DZIP1L: variants seen among roughly 807,000 people sequenced by gnomAD.
DZIP1L encodes DAZ interacting zinc finger protein 1 like, also known as cilium assembly protein DZIP1L.
A neutral mutation model predicts 88.7 loss-of-function variants in DZIP1L; 90 were observed. The ratio of observed to expected loss-of-function variants is 1.02; its 90% CI spans 0.86 to 1.21. The LOEUF is 1.21. Among genes scored for constraint, DZIP1L ranks in the 50% most tolerant of loss-of-function variants. DZIP1L has a pLI of 0.00. For synonymous variants in DZIP1L, 363 were observed against 372.1 expected (o/e 0.98, Z 0.28); for missense variants, 932 against 955.8 (o/e 0.98, Z 0.33).
chr3:138,080,478 A>G, intron 10 of DZIP1L, 89 bp downstream of exon 10: 1 of 1,435,462 alleles, frequency 7.0e-7, no homozygotes, highest in Non-Finnish European at 9.7e-7. Flanking sequence ...GGATGTCCAG[A>G]TACAGTTAAG....
intron 10 of DZIP1L, among the ~76,000 whole-genome samples, chr3:138,079,701 C>A (rs1001796570): frequency 6.6e-6 from 1 of 152,156 alleles, no homozygotes; most frequent in African/African-American, 2.4e-5. Context: ...CACTGCATAC[C>A]CTTTTATACC....
intron 1 of DZIP1L, among the ~76,000 whole-genome samples, chr3:138,105,650 C>T (rs1213842219): frequency 6.6e-6 from 1 of 151,788 alleles, no homozygotes; most frequent in Non-Finnish European, 1.5e-5. Context: ...AAGAAACTAT[C>T]CTTTTTTTTT....
At position 138,064,255 on chromosome 3, in the gene DZIP1L, C is replaced by T. The variant is rs1292471119; in HGVS notation, c.2142+373G>A. 9 of 824,014 alleles carry T rather than the reference C, an allele frequency of 1.1e-5. No individual in the cohort carries two copies. The African/African-American group carries it at 1.3e-4, about 12-fold the overall frequency. 51.0% of individuals were successfully genotyped at this position (824,014 alleles called of 1,614,324 possible). A position where few individuals can be genotyped will look rare whatever the true frequency, so the allele number is the denominator to read the frequency against. On this transcript the variant is annotated intron_variant, in intron 15 of 15. Transcript: ENST00000327532. ...CTCCACACACATATTGTGTTAGGGT[C>T]CATGGCAGAGTGAGGGACTGGGGAG...
At chr3:138,071,261 TG>T (rs1164492805) in intron 12 of DZIP1L, among the ~76,000 whole-genome samples, 1 of 152,166 alleles carries the variant, frequency 6.6e-6, no homozygotes, top group African/African-American at 2.4e-5. Context: ...ATGCCTGGTG[TG>T]TAGAGCCAGA....
chr3:138,068,720 C>T (rs1049480432), intron 12 of DZIP1L, among the ~76,000 whole-genome samples: 3 of 152,146 alleles, frequency 2.0e-5, no homozygotes, highest in African/African-American at 7.2e-5. Flanking sequence ...ACGCTACAGC[C>T]GCTGCACTGC....
At chr3:138,105,651 C>CT (rs1553737301) in intron 1 of DZIP1L, among the ~76,000 whole-genome samples, 5 of 150,168 alleles carry the variant, frequency 3.3e-5, no homozygotes, top group African/African-American at 7.3e-5. Context: ...AGAAACTATC[C>CT]TTTTTTTTTC....
At chr3:138,102,924 A>C (rs2042364359) in intron 2 of DZIP1L, 1 of 563,516 alleles carries the variant, frequency 1.8e-6, no homozygotes, top group South Asian at 1.9e-5. Context: ...ACATGGTGGA[A>C]GCAGGAGTGG....
chr3:138,064,473 T>C, intron 15 of DZIP1L, 155 bp downstream of exon 15: 2 of 1,606,080 alleles, frequency 1.2e-6, no homozygotes, highest in South Asian at 1.1e-5. Context: ...CATCTCTCCA[T>C]GTGCACAGGG....
At chr3:138,097,891 T>C in intron 2 of DZIP1L, 44 bp from the exon 3 acceptor site, 1 of 1,543,408 alleles carries the variant, frequency 6.5e-7, no homozygotes, top group Non-Finnish European at 8.9e-7. Context: ...TTAGGTCACC[T>C]GAGTCAGCCT....
chr3:138,112,570 G>A (rs2042635506), intron 1 of DZIP1L: 1 of 152,192 alleles, frequency 6.6e-6, no homozygotes, highest in Non-Finnish European at 1.5e-5. Flanking sequence ...TACACCCCAG[G>A]GGCAAGGACA....
intron 9 of DZIP1L, 72 bp from the exon 10 acceptor site, chr3:138,080,692 AC>A: frequency 6.6e-7 from 1 of 1,526,466 alleles, no homozygotes; most frequent in Non-Finnish European, 9.0e-7. Flanking sequence ...AAAGTACAGA[AC>A]CCCAGCTGAG....
Position 138,084,199 on chromosome 3 carries a change from C to A in DZIP1L, c.1117G>T (p.Ala373Ser), listed in dbSNP as rs1463287313. 2 of 1,614,084 alleles carry A rather than the reference C, an allele frequency of 1.2e-6. No individual in the cohort carries two copies. The highest frequency in any genetic ancestry group is 2.7e-5 in the African/African-American group (2 of 74,948). The stretch of plus-strand genomic sequence containing the variant: ...ATCTGGCACTGGGACTGGGCAGCTG[C>A]CTTCTTCTGATCCTGAGACAGGGAG... ...QASLSQDQKK[A>S]AAQSQCQIST... Residue 373 changes from alanine to serine, a missense_variant, in exon 8 of 16, where the codon GCA becomes TCA. Physicochemically the swap from Ala to Ser is moderately conservative, Grantham distance 99. Transcript: ENST00000327532.
chr3:138,097,619 G>A (rs1288658100), intron 3 of DZIP1L, 144 bp downstream of exon 3: 3 of 732,606 alleles, frequency 4.1e-6, no homozygotes, highest in East Asian at 5.5e-5. Flanking sequence ...CCCCGGTGGT[G>A]GATGGTGGGA....
chr3:138,098,457 TC>T (rs35329495), intron 2 of DZIP1L, among the ~76,000 whole-genome samples: 3 of 152,228 alleles, frequency 2.0e-5, no homozygotes, highest in African/African-American at 4.8e-5. Context: ...TAATTCCACA[TC>T]CCTCTCCTAA....
chr3:138,099,475 T>A (rs1944625720), intron 2 of DZIP1L, among the ~76,000 whole-genome samples: 1 of 152,190 alleles, frequency 6.6e-6, no homozygotes, highest in Non-Finnish European at 1.5e-5. Context: ...TGTAATAATA[T>A]TTGGTCTTAG....
chr3:138,064,457 A>G, intron 15 of DZIP1L, 171 bp downstream of exon 15: 3 of 1,591,932 alleles, frequency 1.9e-6, no homozygotes, highest in African/African-American at 2.7e-5. Flanking sequence ...AGTATTCCAA[A>G]CTGGCCATCT....
At chr3:138,102,490 T>C in intron 2 of DZIP1L, 1 of 1,360,756 alleles carries the variant, frequency 7.3e-7, no homozygotes, top group South Asian at 1.2e-5. Context: ...GTTGTTGATG[T>C]AGCTCTGAAC....
chr3:138,065,319 G>A (rs972250702), intron 14 of DZIP1L, among the ~76,000 whole-genome samples: 7 of 152,182 alleles, frequency 4.6e-5, no homozygotes, highest in African/African-American at 7.2e-5. Context: ...AGCCTTCTAC[G>A]ATTCAAATGA....
intron 8 of DZIP1L, 112 bp downstream of exon 8, chr3:138,084,001 G>A: frequency 7.0e-7 from 1 of 1,437,690 alleles, no homozygotes; most frequent in Non-Finnish European, 9.3e-7. Flanking sequence ...CTCTCCTTAA[G>A]GAGCCTGAGT....
Sources: gnomAD v4.1 joint callset for allele counts (sites outside exome capture counted in the v4.1 genomes callset) on GRCh38, gnomAD v4.1.1 for gene constraint, MANE v1.5 for transcripts, NCBI Gene and HGNC (gene_info 2026-07-23, HGNC 2026-07-21) for gene names.